Variants in RAD51B observed in about 807,000 individuals in gnomAD.
RAD51B encodes the protein DNA repair protein RAD51 homolog 2.
RAD51B carries 38 observed loss-of-function variants against 42.2 expected under a neutral mutation model. That is an observed-to-expected ratio of 0.90 (90% CI 0.70 to 1.18). The LOEUF (loss-of-function observed/expected upper bound fraction) is 1.18, where lower values mean the gene tolerates loss of function less well. RAD51B is among the 50% of genes most tolerant of loss of function. The probability of loss-of-function intolerance (pLI) is 0.00; values close to 1 mark genes in which losing one functional copy is unlikely to be tolerated. For missense variants in RAD51B, 373 were observed against 400.7 expected (o/e 0.93, Z 0.59); for synonymous variants, 154 against 145.2 (o/e 1.06, Z -0.43).
chr14:67,903,729 T>A (rs942754691), intron 7 of RAD51B, among the ~76,000 whole-genome samples: 3 of 152,232 alleles, frequency 2.0e-5, no homozygotes, highest in African/African-American at 7.2e-5. Flanking sequence ...CAGTGTTACC[T>A]GTTTAGCTCT....
At chr14:68,469,363 T>C (rs895482798) in intron 10 of RAD51B, among the ~76,000 whole-genome samples, 1 of 152,214 alleles carries the variant, frequency 6.6e-6, no homozygotes, top group Non-Finnish European at 1.5e-5. Flanking sequence ...TCCTTCCCCT[T>C]CTAAAATGTC....
chr14:67,822,557 T>C (rs2040668114), intron 1 of RAD51B, among the ~76,000 whole-genome samples: 1 of 151,324 alleles, frequency 6.6e-6, no homozygotes, highest in East Asian at 1.9e-4. Context: ...ACCCTGTCTC[T>C]ACAAAAAATA....
At chr14:68,026,312 A>G (rs1169220455) in intron 7 of RAD51B, among the ~76,000 whole-genome samples, 1 of 152,164 alleles carries the variant, frequency 6.6e-6, no homozygotes, top group African/African-American at 2.4e-5. Context: ...TGAGAAGAAT[A>G]TATATTCTGT....
intron 7 of RAD51B, among the ~76,000 whole-genome samples, chr14:68,138,493 G>A (rs1349647504): frequency 6.6e-6 from 1 of 151,994 alleles, no homozygotes; most frequent in East Asian, 1.9e-4. Context: ...AAGGAGAAAA[G>A]AAACTTAAAA....
chr14:68,043,626 C>T (rs1166752731), intron 7 of RAD51B, among the ~76,000 whole-genome samples: 1 of 152,198 alleles, frequency 6.6e-6, no homozygotes, highest in East Asian at 1.9e-4. Flanking sequence ...GCGAACCAGA[C>T]TACTTCCCTG....
chr14:68,452,765 T>A (rs2085589599), intron 9 of RAD51B, among the ~76,000 whole-genome samples: 1 of 152,200 alleles, frequency 6.6e-6, no homozygotes, highest in Non-Finnish European at 1.5e-5. Flanking sequence ...ATTTCTTTCA[T>A]CTCTTTAATC....
At chr14:68,575,638 G>A (rs887726117) in intron 10 of RAD51B, among the ~76,000 whole-genome samples, 16 of 152,154 alleles carry the variant, frequency 1.1e-4, no homozygotes, top group African/African-American at 3.9e-4. Flanking sequence ...CTCCCAATGA[G>A]GAAGGCTCAG....
intron 9 of RAD51B, among the ~76,000 whole-genome samples, chr14:68,431,299 T>G (rs937709416): frequency 2.0e-5 from 3 of 152,216 alleles, no homozygotes; most frequent in African/African-American, 7.2e-5. Context: ...TCTTTTTCTA[T>G]TGATTGGAAT....
At chr14:68,386,881 A>G (rs2083605968) in intron 8 of RAD51B, among the ~76,000 whole-genome samples, 2 of 152,232 alleles carry the variant, frequency 1.3e-5, no homozygotes, top group South Asian at 4.1e-4. Flanking sequence ...GGATGCCCGA[A>G]GACTGGTTTG....
chr14:68,179,791 G>A (rs1303502204), intron 7 of RAD51B, among the ~76,000 whole-genome samples: 4 of 152,116 alleles, frequency 2.6e-5, no homozygotes, highest in Non-Finnish European at 5.9e-5. Context: ...GCATTAGAAT[G>A]CTAGGCTATG....
chr14:68,617,898 A>G (rs1008267138), intron 10 of RAD51B, among the ~76,000 whole-genome samples: 7 of 152,166 alleles, frequency 4.6e-5, no homozygotes, highest in Non-Finnish European at 1.0e-4. Flanking sequence ...TTGGCTTCAA[A>G]TCCCAAGGGA....
intron 8 of RAD51B, among the ~76,000 whole-genome samples, chr14:68,403,919 C>G (rs751613191): frequency 6.6e-6 from 1 of 152,174 alleles, no homozygotes; most frequent in Non-Finnish European, 1.5e-5. Context: ...CATCAAGAAC[C>G]TCTGGTTGCC....
At chr14:67,909,997 C>G (rs898578058) in intron 7 of RAD51B, among the ~76,000 whole-genome samples, 7 of 152,160 alleles carry the variant, frequency 4.6e-5, no homozygotes, top group African/African-American at 1.4e-4. Context: ...ATAATGTTTT[C>G]TCCATTATCA....
intron 7 of RAD51B, among the ~76,000 whole-genome samples, chr14:67,888,516 G>A (rs549764208): frequency 6.2e-4 from 94 of 152,016 alleles, no homozygotes; most frequent in Non-Finnish European, 9.0e-4. Flanking sequence ...TCACTTAGGC[G>A]CAGGAGGTTG....
intron 7 of RAD51B, among the ~76,000 whole-genome samples, chr14:68,235,475 C>T (rs183174557): frequency 2.5e-4 from 38 of 151,406 alleles, no homozygotes; most frequent in African/African-American, 8.0e-4. Context: ...GAGGCCGAGG[C>T]GGGCGGATCA....
chr14:68,058,318 AGATG>A (rs991597303), intron 7 of RAD51B, among the ~76,000 whole-genome samples: 3 of 152,196 alleles, frequency 2.0e-5, no homozygotes, highest in Admixed American at 1.3e-4. Context: ...GGCCAACTAT[AGATG>A]GAGAAAAAAT....
chr14:68,222,604 A>G (rs1334525231), intron 7 of RAD51B, among the ~76,000 whole-genome samples: 1 of 152,148 alleles, frequency 6.6e-6, no homozygotes, highest in Non-Finnish European at 1.5e-5. Flanking sequence ...GTGCACCAAA[A>G]TTTCAGAAAT....
chr14:68,103,344 C>A (rs932589904), intron 7 of RAD51B, among the ~76,000 whole-genome samples: 1 of 152,136 alleles, frequency 6.6e-6, no homozygotes, highest in South Asian at 2.1e-4. Flanking sequence ...TTCTATCATA[C>A]CTCTTATGAG....
chr14:67,916,305 C>G (rs557448662), intron 7 of RAD51B, among the ~76,000 whole-genome samples: 6 of 151,546 alleles, frequency 4.0e-5, no homozygotes, highest in African/African-American at 1.5e-4. Context: ...TTTTTTGAGA[C>G]TGGTCTCACT....
Sources: gnomAD v4.1 joint callset for allele counts (sites outside exome capture counted in the v4.1 genomes callset) on GRCh38, gnomAD v4.1.1 for gene constraint, MANE v1.5 for transcripts, NCBI Gene and HGNC (gene_info 2026-07-23, HGNC 2026-07-21) for gene names.